Variants in ANAPC2 observed in about 807,000 individuals in gnomAD.
The protein encoded by ANAPC2 is anaphase-promoting complex subunit 2.
ANAPC2 carries 29 observed loss-of-function variants against 84.3 expected under a neutral mutation model. That is an observed-to-expected ratio of 0.34 (90% CI 0.26 to 0.47). The LOEUF (loss-of-function observed/expected upper bound fraction) is 0.47, where lower values mean the gene tolerates loss of function less well. ANAPC2 is among the 20% of genes least tolerant of loss of function. ANAPC2 has a pLI of 1.00. For missense variants in ANAPC2, 857 were observed against 1,131.7 expected, an observed-to-expected ratio of 0.76 and a Z score of 3.48; for synonymous variants, 571 against 479.4, an observed-to-expected ratio of 1.19 and a Z score of -2.50.
At position 137,188,143 on chromosome 9, in the gene ANAPC2, T is replaced by C. The variant is rs776819449; in HGVS notation, c.118-40A>G. ...ACCGTGAGGCGAGGGGAACACAACA[T>C]AGAGGTGGGGAGAGGCGGGGAAGGG... On this transcript the variant is annotated intron_variant, in intron 1 of 12. Transcript: ENST00000323927. The C allele has an allele frequency of 3.1e-6, 5 of 1,588,460 alleles. No individual in the cohort carries two copies. The Admixed American group carries it at 6.8e-5, about 22-fold the overall frequency.
chr9:137,177,875 G>A (rs781270433), intron 10 of ANAPC2, among the ~76,000 whole-genome samples: 6 of 152,172 alleles, frequency 3.9e-5, no homozygotes, highest in Non-Finnish European at 7.4e-5. Flanking sequence ...AGACCAGAGC[G>A]AGGCACCCAC....
chr9:137,185,145 C>CA (rs1834435162), intron 3 of ANAPC2, 58 bp from the exon 4 acceptor site: 2 of 1,443,576 alleles, frequency 1.4e-6, no homozygotes, highest in South Asian at 1.5e-5. Flanking sequence ...CGGGCTGACT[C>CA]AGAGGCTGGG....
In ANAPC2 at chr9:137,187,639, G is replaced by T. The variant is rs746282290; in HGVS notation, c.582C>A (p.Gly194=). The T allele has an allele frequency of 6.2e-7, 1 of 1,613,984 alleles. No homozygotes were observed. Among genetic ancestry groups the T allele is most frequent in the Admixed American group, 1.7e-5 (1 of 60,008 alleles). Residue 194 remains glycine (G), a synonymous_variant, in exon 2 of 13, where the codon GGC becomes GGA. Coordinates refer to ENST00000323927, the MANE Select transcript of ANAPC2 (RefSeq NM_013366.4). The part of the protein sequence containing the change: ...YMQSKRKGEG[G]TDPELEGELD... Reference sequence around the variant, plus strand: ...GCTCCCCTTCCAGTTCCGGGTCTGTGCCCCCTTCCCCCTTCCTCTTACTCT... The same window carrying T: ...GCTCCCCTTCCAGTTCCGGGTCTGTTCCCCCTTCCCCCTTCCTCTTACTCT...
At chr9:137,178,430 C>T (rs1834268821) in intron 10 of ANAPC2, among the ~76,000 whole-genome samples, 1 of 152,232 alleles carries the variant, frequency 6.6e-6, no homozygotes. Context: ...GCACATCAGG[C>T]CTGAGCAACA....
At chr9:137,182,892 C>A (rs897219149) in intron 6 of ANAPC2, among the ~76,000 whole-genome samples, 13 of 152,208 alleles carry the variant, frequency 8.5e-5, no homozygotes, top group African/African-American at 2.9e-4. Flanking sequence ...CTGTGGTGGG[C>A]CTCTGGCAGC....
At position 137,175,033 on chromosome 9, in the gene ANAPC2, T is replaced by G. The variant is rs1377457281; in HGVS notation, c.2378A>C (p.Gln793Pro). Reference protein sequence around the residue: ...TGPALAEIDLQELQGYLQKKV... With the variant: ...TGPALAEIDLPELQGYLQKKV... ...CTTCTGCAGGTAGCCCTGCAGCTCC[T>G]GCAGGTCAATCTCGGCCAGTGCAGG... The change falls in exon 13 of 13, where the codon CAG (glutamine) becomes CCG (proline). Residue 793 changes from glutamine (Q) to proline (P), a missense_variant. Gln to Pro is a moderately conservative substitution (Grantham distance 76). Transcript: ENST00000323927. 6.2e-7 allele frequency: 1 copy of G among 1,605,078 alleles called. No homozygotes were observed. The highest frequency in any genetic ancestry group is 1.1e-5 in the South Asian group (1 of 89,442).
At chr9:137,182,306 A>C (rs1211437733) in intron 6 of ANAPC2, among the ~76,000 whole-genome samples, 1 of 152,172 alleles carries the variant, frequency 6.6e-6, no homozygotes, top group African/African-American at 2.4e-5. Context: ...AGGTCAGGAG[A>C]TCAAGACTAT....
In ANAPC2 at chr9:137,184,932, C is replaced by T. The variant is rs764939038; in HGVS notation, c.1029G>A (p.Glu343=). The part of the protein sequence containing the change: ...YRIYASLRIE[E]LFSIVRDFPD... The stretch of plus-strand genomic sequence containing the variant: ...GACCACCTCGGACGATGCTGAAGAG[C>T]TCCTCGATGCGCAGGCTGGCGTAGA... The change falls in exon 4 of 13, where the codon GAG becomes GAA. Residue 343 remains glutamate, a synonymous_variant. Coordinates refer to ENST00000323927, the MANE Select transcript of ANAPC2 (RefSeq NM_013366.4). 6.2e-7 allele frequency: 1 copy of T among 1,612,760 alleles called. No individual in the cohort carries two copies.
Position 137,174,898 on chromosome 9 carries a change from T to A in ANAPC2, c.*44A>T. ...GCTGGCACGGGAGGACGAGAGCACC[T>A]GCAGGGCAGCGCCTGGCGGGCGGGC... On this transcript the variant is annotated 3_prime_UTR_variant, in exon 13 of 13. Transcript: ENST00000323927. This position sits in a 1 kb window ranked among gnomAD's most constrained non-coding sequence, Gnocchi z 6.1. The A allele has an allele frequency of 7.6e-7, 1 of 1,315,528 alleles. No homozygotes were observed. Among genetic ancestry groups the A allele is most frequent in the South Asian group, 1.4e-5 (1 of 70,568 alleles). The allele number at this position is 1,315,528 out of a possible 1,614,324, so 81.5% of individuals were successfully genotyped here.
intron 2 of ANAPC2, chr9:137,187,234 G>A (rs2131342624): frequency 1.9e-6 from 1 of 525,426 alleles, no homozygotes; most frequent in Non-Finnish European, 3.3e-6. Flanking sequence ...GAAATTTGCT[G>A]CTGCAGACAC....
chr9:137,186,360 G>C lies in ANAPC2; in HGVS notation c.741-4C>G, dbSNP rs756995029. The stretch of plus-strand genomic sequence containing the variant: ...CTCCAGCAGACTGAGCCTGTGTCTA[G>C]AGGAGAGCCCTGGCCATGGGGCACC... On this transcript the variant is annotated splice_polypyrimidine_tract_variant and splice_region_variant and intron_variant, in intron 2 of 12. Transcript: ENST00000323927. 5.0e-6 allele frequency: 8 copies of C among 1,598,484 alleles called. No individual in the cohort carries two copies. The highest frequency in any genetic ancestry group is 6.0e-6 in the Non-Finnish European group (7 of 1,174,130).
At chr9:137,178,860 C>T (rs374091866) in intron 10 of ANAPC2, among the ~76,000 whole-genome samples, 33 of 152,350 alleles carry the variant, frequency 2.2e-4, no homozygotes, top group African/African-American at 7.2e-4. Flanking sequence ...GGGCCTCCGC[C>T]TGGCCCTCCC....
chr9:137,184,892 C>T (rs749517996), intron 4 of ANAPC2, 21 bp downstream of exon 4: 1 of 1,608,992 alleles, frequency 6.2e-7, no homozygotes, highest in Admixed American at 1.7e-5. Context: ...AGAGCGGACC[C>T]CAGGGCCGGG....
At chr9:137,185,527 C>T (rs972249360) in intron 3 of ANAPC2, among the ~76,000 whole-genome samples, 2 of 152,228 alleles carry the variant, frequency 1.3e-5, no homozygotes, top group African/African-American at 4.8e-5. Flanking sequence ...GACCTGCTAC[C>T]CAGTGGCAAG....
chr9:137,174,889 G>C lies in ANAPC2; in HGVS notation c.*53C>G. The C allele has an allele frequency of 6.9e-7, 1 of 1,440,402 alleles. No homozygotes were observed. Among genetic ancestry groups the C allele is most frequent in the Non-Finnish European group, 9.2e-7 (1 of 1,092,520 alleles). 89.2% of individuals were successfully genotyped at this position (1,440,402 alleles called of 1,614,324 possible). A position where few individuals can be genotyped will look rare whatever the true frequency, so the allele number is the denominator to read the frequency against. On this transcript the variant is annotated 3_prime_UTR_variant, in exon 13 of 13. Coordinates refer to ENST00000323927, the MANE Select transcript of ANAPC2 (RefSeq NM_013366.4). This position sits in a 1 kb window ranked among gnomAD's most constrained non-coding sequence, Gnocchi z 6.1. The stretch of plus-strand genomic sequence containing the variant: ...CGGGCGGGGGCTGGCACGGGAGGAC[G>C]AGAGCACCTGCAGGGCAGCGCCTGG...
intron 6 of ANAPC2, 114 bp from the exon 7 acceptor site, chr9:137,181,976 C>T (rs888783671): frequency 2.5e-6 from 3 of 1,180,810 alleles, no homozygotes; most frequent in Non-Finnish European, 3.5e-6. Context: ...TGCCTCTACA[C>T]TCAGTGGTGA....
At chr9:137,181,965 C>T (rs868642760) in intron 6 of ANAPC2, 103 bp from the exon 7 acceptor site, 2 of 1,287,626 alleles carry the variant, frequency 1.6e-6, no homozygotes, top group African/African-American at 2.9e-5. Flanking sequence ...ACCACCGACC[C>T]TGCCTCTACA....
At chr9:137,183,911 G>C in intron 4 of ANAPC2, 120 bp from the exon 5 acceptor site, 1 of 1,357,660 alleles carries the variant, frequency 7.4e-7, no homozygotes, top group Non-Finnish European at 1.0e-6. Context: ...ACGATGATGA[G>C]ACCACCTGCT....
At chr9:137,184,788 G>C in intron 4 of ANAPC2, 125 bp downstream of exon 4, 1 of 1,258,412 alleles carries the variant, frequency 7.9e-7, no homozygotes, top group East Asian at 2.6e-5. Context: ...AGCCCCAGAC[G>C]CAGACACAGA....
Sources: allele counts gnomAD v4.1 joint callset (sites outside exome capture counted in the v4.1 genomes callset), GRCh38; gene constraint gnomAD v4.1.1; non-coding constraint Gnocchi (gnomAD v3.1); transcripts MANE v1.5; gene names NCBI Gene and HGNC (gene_info 2026-07-23, HGNC 2026-07-21).